The following KCNK6 variants were observed in gnomAD, a reference collection of about 807,000 sequenced individuals.
KCNK6 encodes potassium channel subfamily K member 6.
In KCNK6, 20 loss-of-function variants were observed where a neutral mutation model predicts 21.9. That is an observed-to-expected ratio of 0.91 (90% confidence interval 0.64 to 1.32). KCNK6 has a LOEUF of 1.32. Ranked by LOEUF, KCNK6 falls within the 40% of genes most tolerant of loss-of-function variation. The probability of loss-of-function intolerance (pLI) is 0.00; values close to 1 mark genes in which losing one functional copy is unlikely to be tolerated. For missense variants in KCNK6, 415 were observed against 433.1 expected (o/e 0.96, Z 0.37); for synonymous variants, 210 against 218.0 (o/e 0.96, Z 0.32).
chr19:38,321,097 C>G (rs1404815461), intron 1 of KCNK6, among the ~76,000 whole-genome samples: 1 of 152,176 alleles, frequency 6.6e-6, no homozygotes, highest in Non-Finnish European at 1.5e-5. Context: ...GGGAAACCCC[C>G]CTGGAGAAAC....
Position 38,326,811 on chromosome 19 carries a change from G to A in KCNK6, c.541G>A (p.Val181Met). 1 of 1,607,908 alleles carries A rather than the reference G, an allele frequency of 6.2e-7. No homozygotes were observed. Among genetic ancestry groups the A allele is most frequent in the Non-Finnish European group, 8.5e-7 (1 of 1,179,998 alleles). The stretch of plus-strand genomic sequence containing the variant: ...CTTGGTGGCCCTGTTGGGGGTCGTA[G>A]TGACCGTCTGCTTTCTGGTGCCGGC... ...WHLVALLGVV[V>M]TVCFLVPAVI... The change falls in exon 2 of 3, where the codon GTG (valine) becomes ATG (methionine). Residue 181 changes from valine to methionine, a missense_variant. By Grantham distance (21) the Val-to-Met change is conservative. Coordinates refer to ENST00000263372, the MANE Select transcript of KCNK6 (RefSeq NM_004823.3).
At position 38,331,188 on chromosome 19, in the gene KCNK6, G is replaced by A. The variant is rs146858066; in HGVS notation, c.*3785G>A. The A allele has an allele frequency of 6.6e-6, 1 of 152,418 alleles. No individual in the cohort carries two copies. The highest frequency in any genetic ancestry group is 2.4e-5 in the African/African-American group (1 of 41,540). 9.4% of individuals were successfully genotyped at this position (152,418 alleles called of 1,614,324 possible). A position where few individuals can be genotyped will look rare whatever the true frequency, so the allele number is the denominator to read the frequency against. On this transcript the variant is annotated 3_prime_UTR_variant, in exon 3 of 3. Transcript: ENST00000263372. Reference sequence around the variant, plus strand: ...TACAGAAAATGTTAAAAATGAGCTGGGTGTGGTGGCGCACACCTGTAGTCC... The same window carrying A: ...TACAGAAAATGTTAAAAATGAGCTGAGTGTGGTGGCGCACACCTGTAGTCC...
chr19:38,319,928 C>A lies in KCNK6; in HGVS notation c.-23C>A. On this transcript the variant is annotated 5_prime_UTR_variant, in exon 1 of 3. Coordinates refer to ENST00000263372, the MANE Select transcript of KCNK6 (RefSeq NM_004823.3). ...GCCACGTCAGCGGGGCCACCCAGGG[C>A]TCGCGGGGTCCCGGTGGGTGCCATG... The A allele has an allele frequency of 1.4e-6, 2 of 1,397,576 alleles. No homozygotes were observed. The highest frequency in any genetic ancestry group is 9.2e-7 in the Non-Finnish European group (1 of 1,088,354). 86.6% of individuals were successfully genotyped at this position (1,397,576 alleles called of 1,614,324 possible). A position where few individuals can be genotyped will look rare whatever the true frequency, so the allele number is the denominator to read the frequency against.
At chr19:38,322,850 C>T (rs899986852) in intron 1 of KCNK6, among the ~76,000 whole-genome samples, 2 of 151,864 alleles carry the variant, frequency 1.3e-5, no homozygotes, top group African/African-American at 4.8e-5. Flanking sequence ...AGTTGGCTCA[C>T]GCCTGGAATC....
intron 1 of KCNK6, among the ~76,000 whole-genome samples, chr19:38,324,528 T>C (rs1446698581): frequency 9.9e-5 from 15 of 152,160 alleles, no homozygotes; most frequent in African/African-American, 3.4e-4. Flanking sequence ...CCAGCCTCCA[T>C]GTCTGTGCTC....
chr19:38,327,610 C>T lies in KCNK6; in HGVS notation c.*207C>T. 1 of 596,994 alleles carries T rather than the reference C, an allele frequency of 1.7e-6. No individual in the cohort carries two copies. The highest frequency in any genetic ancestry group is 3.0e-6 in the Non-Finnish European group (1 of 334,894). The allele number at this position is 596,994 out of a possible 1,614,324, so 37.0% of individuals were successfully genotyped here. Reference sequence around the variant, plus strand: ...CCATGTCCCGGGCTCCACTGGGCACCAACATAACCTTGTTCTCTGTCCTTT... The same window carrying T: ...CCATGTCCCGGGCTCCACTGGGCACTAACATAACCTTGTTCTCTGTCCTTT... On this transcript the variant is annotated 3_prime_UTR_variant, in exon 3 of 3. Transcript: ENST00000263372.
At chr19:38,324,041 G>A (rs889814418) in intron 1 of KCNK6, among the ~76,000 whole-genome samples, 1 of 151,994 alleles carries the variant, frequency 6.6e-6, no homozygotes, top group African/African-American at 2.4e-5. Flanking sequence ...AGGCTCACAG[G>A]CCCCATGCTT....
Position 38,320,100 on chromosome 19 carries a change from C to T in KCNK6, c.150C>T (p.Arg50=). 6.4e-7 allele frequency: 1 copy of T among 1,560,652 alleles called. No homozygotes were observed. The highest frequency in any genetic ancestry group is 8.6e-7 in the Non-Finnish European group (1 of 1,161,158). ...CGCTGCGGGCGCAGCTGCTTCAGCG[C>T]AGCCCGTGTGTGGCTGCCCCCGCCC... ...LETLRAQLLQ[R]SPCVAAPALD... Residue 50 remains arginine, a synonymous_variant, in exon 1 of 3, where the codon CGC becomes CGT. Coordinates refer to ENST00000263372, the MANE Select transcript of KCNK6 (RefSeq NM_004823.3).
rs182646139 is a variant in KCNK6 at position 38,328,211 on chromosome 19, T to C, written c.*808T>C. 2.0e-5 allele frequency: 3 copies of C among 152,222 alleles called. No homozygotes were observed. The highest frequency in any genetic ancestry group is 7.2e-5 in the African/African-American group (3 of 41,504). The allele number at this position is 152,222 out of a possible 1,614,324, so 9.4% of individuals were successfully genotyped here. ...ACTATGAGAAATAGGCAGGAAGAAGTTGTACCTGACTCATTTTTCTCAGGT... is the reference window on the plus strand; with the variant it reads ...ACTATGAGAAATAGGCAGGAAGAAGCTGTACCTGACTCATTTTTCTCAGGT... On this transcript the variant is annotated 3_prime_UTR_variant, in exon 3 of 3. Coordinates refer to ENST00000263372, the MANE Select transcript of KCNK6 (RefSeq NM_004823.3).
At position 38,331,545 on chromosome 19, in the gene KCNK6, A is replaced by G. The variant is rs1227814886; in HGVS notation, c.*4142A>G. On this transcript the variant is annotated 3_prime_UTR_variant, in exon 3 of 3. Transcript: ENST00000263372. ...GAGGCTGAGGCAGGAGAATCACTTG[A>G]ACCCAGGAGGTGGAGGTTGCAGTGA... The G allele has an allele frequency of 6.6e-6, 1 of 151,990 alleles. No individual in the cohort carries two copies. Among genetic ancestry groups the G allele is most frequent in the Non-Finnish European group, 1.5e-5 (1 of 68,014 alleles). 9.4% of individuals were successfully genotyped at this position (151,990 alleles called of 1,614,324 possible). A position where few individuals can be genotyped will look rare whatever the true frequency, so the allele number is the denominator to read the frequency against.
chr19:38,319,899 G>T lies in KCNK6; in HGVS notation c.-52G>T, dbSNP rs1267540531. On this transcript the variant is annotated 5_prime_UTR_variant, in exon 1 of 3. Coordinates refer to ENST00000263372, the MANE Select transcript of KCNK6 (RefSeq NM_004823.3). ...ACTAGGTGCCAGACGGTCCGGAGGC[G>T]GGGGCCACGTCAGCGGGGCCACCCA... 7.3e-7 allele frequency: 1 copy of T among 1,362,000 alleles called. No homozygotes were observed. The highest frequency in any genetic ancestry group is 9.4e-7 in the Non-Finnish European group (1 of 1,065,110). The allele number at this position is 1,362,000 out of a possible 1,614,324, so 84.4% of individuals were successfully genotyped here.
intron 1 of KCNK6, among the ~76,000 whole-genome samples, chr19:38,325,961 G>A (rs943081983): frequency 6.6e-6 from 1 of 152,162 alleles, no homozygotes; most frequent in Non-Finnish European, 1.5e-5. Context: ...GACCCAGGAG[G>A]AGGCTGCTGT....
rs1470845904 is a variant in KCNK6, at chr19:38,320,168, G to A, written c.218G>A (p.Gly73Glu). Residue 73 changes from glycine to glutamate, a missense_variant, in exon 1 of 3, where the codon GGG (glycine) becomes GAG (glutamate). Transcript: ENST00000263372. ...CGAGTGCTGGCGGCCGGACGGCTGGGGCGGGTCGTGCTTGCTAACGCTTCG... is the reference window on the plus strand; with the variant it reads ...CGAGTGCTGGCGGCCGGACGGCTGGAGCGGGTCGTGCTTGCTAACGCTTCG... The part of the protein sequence containing the change: ...VERVLAAGRL[G>E]RVVLANASGS... The A allele has an allele frequency of 1.3e-6, 2 of 1,598,316 alleles. No individual in the cohort carries two copies. The highest frequency in any genetic ancestry group is 2.7e-5 in the African/African-American group (2 of 74,752).
At chr19:38,321,047 A>G (rs1969646405) in intron 1 of KCNK6, among the ~76,000 whole-genome samples, 1 of 151,862 alleles carries the variant, frequency 6.6e-6, no homozygotes, top group African/African-American at 2.4e-5. Context: ...TGGGCCTGCC[A>G]CCCTTGCCAT....
rs2145046845 is a variant in KCNK6 at position 38,330,502 on chromosome 19, A to C, written c.*3099A>C. On this transcript the variant is annotated 3_prime_UTR_variant, in exon 3 of 3. Transcript: ENST00000263372. ...AAATTAGCTGGGTTTGGTGGTGTGCACCTGTGGTCCCAGCTACTCAGGAGG... is the reference window on the plus strand; with the variant it reads ...AAATTAGCTGGGTTTGGTGGTGTGCCCCTGTGGTCCCAGCTACTCAGGAGG... The C allele has an allele frequency of 6.6e-6, 1 of 151,768 alleles. No homozygotes were observed. The highest frequency in any genetic ancestry group is 1.5e-5 in the Non-Finnish European group (1 of 67,978). 9.4% of individuals were successfully genotyped at this position (151,768 alleles called of 1,614,324 possible).
intron 1 of KCNK6, among the ~76,000 whole-genome samples, chr19:38,323,120 A>G (rs1969670270): frequency 6.6e-6 from 1 of 152,164 alleles, no homozygotes; most frequent in African/African-American, 2.4e-5. Context: ...CTCAAAACAA[A>G]CAAACAAAAA....
intron 1 of KCNK6, among the ~76,000 whole-genome samples, chr19:38,321,878 G>C (rs900758939): frequency 8.5e-5 from 13 of 152,244 alleles, no homozygotes; most frequent in African/African-American, 3.1e-4. Flanking sequence ...GGGCAGATGA[G>C]GGAAGCCAGA....
chr19:38,325,756 A>G (rs1280262287), intron 1 of KCNK6, among the ~76,000 whole-genome samples: 5 of 152,190 alleles, frequency 3.3e-5, no homozygotes. Context: ...AACCAGTGCA[A>G]TGGCCCTGGG....
At chr19:38,323,049 G>A (rs1347943693) in intron 1 of KCNK6, among the ~76,000 whole-genome samples, 1 of 152,186 alleles carries the variant, frequency 6.6e-6, no homozygotes, top group African/African-American at 2.4e-5. Flanking sequence ...GGAGGCGGAG[G>A]TTGCAGTGAG....
Sources: allele counts gnomAD v4.1 joint callset (sites outside exome capture counted in the v4.1 genomes callset), GRCh38; gene constraint gnomAD v4.1.1; transcripts MANE v1.5; gene names NCBI Gene and HGNC (gene_info 2026-07-23, HGNC 2026-07-21).